Variants in CDYL observed in about 807,000 individuals in gnomAD.
CDYL encodes chromodomain Y-like protein.
In CDYL, 8 loss-of-function variants were observed where a neutral mutation model predicts 47.3. That is an observed-to-expected ratio of 0.17 (90% CI 0.10 to 0.31). CDYL has a LOEUF of 0.31. Ranked by LOEUF, CDYL falls within the 10% of genes least tolerant of loss-of-function variation. CDYL has a pLI of 1.00. For synonymous variants in CDYL, 266 were observed against 265.0 expected, an observed-to-expected ratio of 1.00 and a Z score of -0.04; for missense variants, 471 against 701.4, an observed-to-expected ratio of 0.67 and a Z score of 3.71.
chr6:4,749,307 A>ATAGATGGATG lies in CDYL; in HGVS notation c.186+14463_186+14464insTAGATGGATG, dbSNP rs1554133644. On this transcript the variant is annotated intron_variant, in intron 3 of 8. Transcript: ENST00000328908. ...TGGATGGATGGATGGATGGATGGAT[A>ATAGATGGATG]GATGGATGGATGGATGGATGGATGG... 4.1e-5 allele frequency among the ~76,000 whole-genome samples: 6 copies of ATAGATGGATG among 146,618 alleles called. No individual in the cohort carries two copies. The Admixed American group carries it at 4.1e-4, about 10-fold the overall frequency.
intron 2 of CDYL, among the ~76,000 whole-genome samples, chr6:4,933,613 G>T (rs78976186): frequency 3.3e-5 from 5 of 152,298 alleles, no homozygotes; most frequent in Non-Finnish European, 5.9e-5. Context: ...ATTGTCAAAC[G>T]TTTTTAAACA....
chr6:4,834,268 G>C (rs1269778849), intron 1 of CDYL, among the ~76,000 whole-genome samples: 17 of 152,002 alleles, frequency 1.1e-4, no homozygotes, highest in Non-Finnish European at 1.3e-4. Flanking sequence ...GGACAGGCCT[G>C]GTGGTGACAA....
intron 1 of CDYL, among the ~76,000 whole-genome samples, chr6:4,847,954 C>G (rs113291698): frequency 1.3e-5 from 2 of 152,090 alleles, no homozygotes; most frequent in African/African-American, 4.8e-5. Flanking sequence ...AAAAGATGTG[C>G]GAAAGCTTTC....
chr6:4,776,793 G>A lies in CDYL; in HGVS notation c.10G>A (p.Glu4Lys). Residue 4 changes from glutamate (E) to lysine (K), a missense_variant, in exon 1 of 7, where the codon GAG becomes AAG. Around this residue, in one of 3 missense-constraint regions of CDYL, gnomAD observed 311 missense variants for 350.0 expected, o/e 0.89. Transcript: ENST00000397588. MAS[E>K]ELYEVERIVD... ...AACTCCGCCGCCCACCATGGCTTCCGAGGAGCTGTACGAGGTACCTCCCCT... is the reference window on the plus strand; with the variant it reads ...AACTCCGCCGCCCACCATGGCTTCCAAGGAGCTGTACGAGGTACCTCCCCT... 1 of 1,101,860 alleles carries A rather than the reference G, an allele frequency of 9.1e-7. No homozygotes were observed. The highest frequency in any genetic ancestry group is 1.1e-6 in the Non-Finnish European group (1 of 882,018). The allele number at this position is 1,101,860 out of a possible 1,614,324, so 68.3% of individuals were successfully genotyped here. A position where few individuals can be genotyped will look rare whatever the true frequency, so the allele number is the denominator to read the frequency against.
intron 2 of CDYL, among the ~76,000 whole-genome samples, chr6:4,914,968 A>G (rs1416209461): frequency 2.6e-5 from 4 of 152,208 alleles, no homozygotes; most frequent in Non-Finnish European, 4.4e-5. Flanking sequence ...GAGGTCGGGC[A>G]CGTATCCTTG....
intron 1 of CDYL, among the ~76,000 whole-genome samples, chr6:4,780,905 G>A (rs527417917): frequency 3.3e-4 from 51 of 152,282 alleles, no homozygotes; most frequent in African/African-American, 1.1e-3. Context: ...CTTTGTTCAC[G>A]TGGGACTGAA....
chr6:4,751,148 C>G (rs1394704910), intron 3 of CDYL, among the ~76,000 whole-genome samples: 1 of 152,180 alleles, frequency 6.6e-6, no homozygotes, highest in African/African-American at 2.4e-5. Flanking sequence ...AGCCACTGCG[C>G]CTGGCCAAAA....
intron 1 of CDYL, among the ~76,000 whole-genome samples, chr6:4,845,632 C>G (rs1319777082): frequency 6.6e-6 from 1 of 152,164 alleles, no homozygotes; most frequent in Non-Finnish European, 1.5e-5. Flanking sequence ...TATTGCAACT[C>G]AACTTCTGCC....
chr6:4,819,417 C>T (rs1448690402), intron 1 of CDYL, among the ~76,000 whole-genome samples: 2 of 152,092 alleles, frequency 1.3e-5, no homozygotes, highest in Non-Finnish European at 2.9e-5. Flanking sequence ...GGGGTTTGCC[C>T]AGACTTAAAA....
At chr6:4,885,146 A>C (rs1020163010) in intron 1 of CDYL, among the ~76,000 whole-genome samples, 1 of 152,034 alleles carries the variant, frequency 6.6e-6, no homozygotes, top group African/African-American at 2.4e-5. Flanking sequence ...AGTGTACTCC[A>C]CCATGCCCAG....
intron 2 of CDYL, among the ~76,000 whole-genome samples, chr6:4,717,387 C>T (rs574476114): frequency 2.6e-5 from 4 of 152,170 alleles, no homozygotes; most frequent in South Asian, 2.1e-4. Flanking sequence ...AAGGGACTTC[C>T]GCTTAGGCAA....
At chr6:4,893,521 C>T (rs1170094676) in intron 2 of CDYL, among the ~76,000 whole-genome samples, 2 of 152,132 alleles carry the variant, frequency 1.3e-5, no homozygotes, top group Admixed American at 1.3e-4. Flanking sequence ...GGTGAAACCC[C>T]GTCTCTACTA....
At chr6:4,804,330 C>T (rs1420280132) in intron 1 of CDYL, among the ~76,000 whole-genome samples, 1 of 152,190 alleles carries the variant, frequency 6.6e-6, no homozygotes, top group Admixed American at 6.5e-5. Flanking sequence ...CGGGGCGCTG[C>T]CTAAGAACCT....
chr6:4,836,383 A>G (rs1324603065), intron 1 of CDYL: 1 of 398,896 alleles, frequency 2.5e-6, no homozygotes, highest in Non-Finnish European at 3.4e-6. Context: ...ATTTTAAACC[A>G]GTGTGATACA....
chr6:4,744,710 G>A (rs1328941726), intron 3 of CDYL, among the ~76,000 whole-genome samples: 5 of 152,080 alleles, frequency 3.3e-5, no homozygotes, highest in Admixed American at 2.6e-4. Context: ...TACAGATAAG[G>A]AAACTACGGC....
intron 2 of CDYL, among the ~76,000 whole-genome samples, chr6:4,721,807 G>A (rs1240647639): frequency 6.6e-6 from 1 of 151,974 alleles, no homozygotes; most frequent in Non-Finnish European, 1.5e-5. Context: ...CCACTTCACA[G>A]GAATTTACCT....
At chr6:4,766,753 C>G (rs1180306086) in intron 3 of CDYL, among the ~76,000 whole-genome samples, 1 of 152,016 alleles carries the variant, frequency 6.6e-6, no homozygotes, top group African/African-American at 2.4e-5. Flanking sequence ...ACCTGTAATC[C>G]TAGCCTTTGG....
chr6:4,838,838 T>TA (rs1760402599), intron 1 of CDYL, among the ~76,000 whole-genome samples: 1 of 151,998 alleles, frequency 6.6e-6, no homozygotes, highest in Non-Finnish European at 1.5e-5. Flanking sequence ...AGGTGAGTGT[T>TA]ACCACACCTG....
chr6:4,801,694 T>A (rs1335046054), intron 1 of CDYL, among the ~76,000 whole-genome samples: 1 of 152,202 alleles, frequency 6.6e-6, no homozygotes, highest in East Asian at 1.9e-4. Flanking sequence ...GATGGACTTT[T>A]CTCTGTGGTT....
Sources: allele counts gnomAD v4.1 joint callset (sites outside exome capture counted in the v4.1 genomes callset), GRCh38; gene constraint gnomAD v4.1.1; regional missense constraint gnomAD v4.1.1; transcripts MANE v1.5; gene names NCBI Gene and HGNC (gene_info 2026-07-23, HGNC 2026-07-21).